INTS15: variants seen among roughly 807,000 people sequenced by gnomAD.
INTS15 encodes the protein uncharacterized protein C7orf26.
At chr7:6,603,077 C>T in the INTS15 span, among the ~76,000 whole-genome samples, 1 of 151,562 alleles carries the variant, frequency 6.6e-6, no homozygotes, top group African/African-American at 2.4e-5. Flanking sequence ...TGGTGAAACC[C>T]CGTCTCTACT....
At chr7:6,590,155 G>A in the INTS15 span, 3 of 758,768 alleles carry the variant, frequency 4.0e-6, no homozygotes, top group Non-Finnish European at 5.5e-6. Context: ...GCGGCGGCAG[G>A]CGGGCAAGCG....
At chr7:6,608,107 T>A in the INTS15 span, 7 of 1,535,398 alleles carry the variant, frequency 4.6e-6, no homozygotes, top group East Asian at 1.6e-4. Context: ...TGCCCACGCA[T>A]CCCGGCCACA....
At chr7:6,607,959 GCCT>G in the INTS15 span, 1 of 1,599,310 alleles carries the variant, frequency 6.3e-7, no homozygotes, top group Non-Finnish European at 8.5e-7. The surrounding 1 kb of genome is among the most constrained non-coding windows in gnomAD (Gnocchi z 6.0). Context: ...TGTGTTCGCA[GCCT>G]CCTCCAGCTG....
At chr7:6,607,367 AG>A in the INTS15 span, among the ~76,000 whole-genome samples, 40 of 139,544 alleles carry the variant, frequency 2.9e-4, no homozygotes, top group Non-Finnish European at 4.8e-4. The surrounding 1 kb of genome is among the most constrained non-coding windows in gnomAD (Gnocchi z 6.0). Context: ...CTGTTCTCGG[AG>A]CCCCGGTGCT....
At chr7:6,598,400 CAG>C in the INTS15 span, among the ~76,000 whole-genome samples, 2 of 145,064 alleles carry the variant, frequency 1.4e-5, no homozygotes, top group East Asian at 4.0e-4. Context: ...ACCCGGGATG[CAG>C]AGTTTGCAGT....
chr7:6,596,663 G>A, the INTS15 span, among the ~76,000 whole-genome samples: 1 of 152,208 alleles, frequency 6.6e-6, no homozygotes, highest in East Asian at 1.9e-4. Flanking sequence ...ACAGGTGTGA[G>A]CCACTGTGCC....
At chr7:6,598,638 C>G in the INTS15 span, among the ~76,000 whole-genome samples, 1 of 152,082 alleles carries the variant, frequency 6.6e-6, no homozygotes, top group African/African-American at 2.4e-5. Context: ...CCTGTGCACA[C>G]AGGCAGCCTA....
chr7:6,597,182 C>T, the INTS15 span, among the ~76,000 whole-genome samples: 55 of 152,302 alleles, frequency 3.6e-4, no homozygotes, highest in Non-Finnish European at 6.2e-4. Flanking sequence ...TTTCCCTTCT[C>T]TCTCCTCCAA....
At chr7:6,597,546 C>T in the INTS15 span, among the ~76,000 whole-genome samples, 4 of 152,208 alleles carry the variant, frequency 2.6e-5, no homozygotes, top group South Asian at 2.1e-4. Context: ...CTCCCTGCCT[C>T]AGCCTCCCAG....
the INTS15 span, among the ~76,000 whole-genome samples, chr7:6,604,768 G>A: frequency 2.0e-5 from 3 of 152,188 alleles, no homozygotes; most frequent in Non-Finnish European, 2.9e-5. Flanking sequence ...TTGTGTGGGG[G>A]TTGGGGACTC....
chr7:6,604,828 G>A, the INTS15 span, among the ~76,000 whole-genome samples: 1 of 152,204 alleles, frequency 6.6e-6, no homozygotes, highest in South Asian at 2.1e-4. Flanking sequence ...AGGAGCCGGG[G>A]CAGATGTCTG....
chr7:6,592,482 G>A, the INTS15 span, among the ~76,000 whole-genome samples: 10 of 150,820 alleles, frequency 6.6e-5, no homozygotes, highest in African/African-American at 2.4e-4. Context: ...CAGGAGAATC[G>A]TGTGAATATG....
the INTS15 span, chr7:6,607,948 T>C: frequency 1.9e-6 from 3 of 1,598,728 alleles, no homozygotes; most frequent in Non-Finnish European, 2.5e-6. The surrounding 1 kb of genome is among the most constrained non-coding windows in gnomAD (Gnocchi z 6.0). Flanking sequence ...ACGCTTATGC[T>C]TGTGTTCGCA....
chr7:6,608,253 G>C, the INTS15 span: 2 of 1,497,250 alleles, frequency 1.3e-6, no homozygotes, highest in African/African-American at 1.4e-5. Context: ...CCTCGGGGAA[G>C]GGGTCGGGCA....
chr7:6,591,555 C>T, the INTS15 span: 43 of 1,187,730 alleles, frequency 3.6e-5, no homozygotes, highest in East Asian at 9.5e-5. Flanking sequence ...TGAGCCACCG[C>T]GCCCAGTCTA....
the INTS15 span, among the ~76,000 whole-genome samples, chr7:6,593,576 C>T: frequency 1.2e-4 from 18 of 151,676 alleles, no homozygotes; most frequent in East Asian, 1.2e-3. Context: ...CCTTGTGATC[C>T]GCCTGCCTCG....
chr7:6,594,258 G>A, the INTS15 span, among the ~76,000 whole-genome samples: 1 of 151,866 alleles, frequency 6.6e-6, no homozygotes. Flanking sequence ...CACCCGCCTC[G>A]GCCTCTCAAA....
At chr7:6,598,467 T>TC in the INTS15 span, among the ~76,000 whole-genome samples, 10 of 23,918 alleles carry the variant, frequency 4.2e-4, no homozygotes, top group Admixed American at 4.8e-3. Flanking sequence ...GGACTCCATC[T>TC]CAAAAAAAAA....
At chr7:6,590,370 C>G in the INTS15 span, 2 of 1,607,042 alleles carry the variant, frequency 1.2e-6, no homozygotes, top group Non-Finnish European at 1.7e-6. Flanking sequence ...TCTACTTCAG[C>G]AGCCAGCTGC....
Sources: allele counts gnomAD v4.1 joint callset (sites outside exome capture counted in the v4.1 genomes callset), GRCh38; gene constraint gnomAD v4.1.1; non-coding constraint Gnocchi (gnomAD v3.1); transcripts MANE v1.5; gene names NCBI Gene and HGNC (gene_info 2026-07-23, HGNC 2026-07-21).